CCDC30: variants seen among roughly 807,000 people sequenced by gnomAD.
CCDC30 encodes the protein coiled-coil domain-containing protein 30.
Under a neutral mutation model 100.2 loss-of-function variants are expected in CCDC30, and 70 were observed. That is an observed-to-expected ratio of 0.70 (90% CI 0.58 to 0.85). CCDC30 has a LOEUF of 0.85. Among genes scored for constraint, CCDC30 ranks in the 40% least tolerant of loss-of-function variants. The pLI is 0.00. For synonymous variants in CCDC30, 233 were observed against 269.5 expected, an observed-to-expected ratio of 0.86 and a Z score of 1.33; for missense variants, 652 against 771.2, an observed-to-expected ratio of 0.85 and a Z score of 1.83.
At chr1:42,459,574 C>T (rs1206014396), upstream of CCDC30, 4 of 1,584,490 alleles carry the variant, frequency 2.5e-6, no homozygotes, top group East Asian at 2.2e-5. Context: ...CCATTGTTTG[C>T]TTATTAAGCT....
At chr1:42,498,794 A>C (rs1569818197) in intron 5 of CCDC30, 24 bp from the exon 6 acceptor site, 2 of 1,132,756 alleles carry the variant, frequency 1.8e-6, no homozygotes, top group Non-Finnish European at 2.2e-6. Flanking sequence ...AGAAGTCTAC[A>C]AGGTGTTTAC....
chr1:42,497,203 T>G (rs1322335198), exon 5 of CCDC30: 1 of 1,232,660 alleles, frequency 8.1e-7, no homozygotes, highest in Admixed American at 4.2e-5. Flanking sequence ...AAAAAGGTGC[T>G]TGGTGAAATG....
intron 6 of CCDC30, 178 bp downstream of exon 7, chr1:42,536,779 A>C: frequency 1.9e-6 from 1 of 534,974 alleles, no homozygotes; most frequent in Non-Finnish European, 3.3e-6. Flanking sequence ...GGAGGAGGGG[A>C]AGTCCAAGAT....
At chr1:42,502,676 T>C (rs1373438435) in intron 6 of CCDC30, among the ~76,000 whole-genome samples, 1 of 152,066 alleles carries the variant, frequency 6.6e-6, no homozygotes, top group African/African-American at 2.4e-5. Flanking sequence ...TCCATTAGTA[T>C]CCATTTCTTA....
chr1:42,457,008 A>C, the CCDC30 span: 2 of 1,601,974 alleles, frequency 1.2e-6, no homozygotes, highest in African/African-American at 1.3e-5. Context: ...CTGGCAGTAG[A>C]GTTCACCACT....
At chr1:42,645,095 C>T (rs1172220511) in intron 14 of CCDC30, among the ~76,000 whole-genome samples, 1 of 152,102 alleles carries the variant, frequency 6.6e-6, no homozygotes, top group Non-Finnish European at 1.5e-5. Context: ...CCCTTTTTCT[C>T]CTCTATCTCA....
At chr1:42,555,751 G>A (rs764578922) in intron 6 of CCDC30, among the ~76,000 whole-genome samples, 32 of 152,082 alleles carry the variant, frequency 2.1e-4, no homozygotes, top group Non-Finnish European at 4.3e-4. Context: ...CAGTGGCACA[G>A]TCTTGACTCA....
chr1:42,487,110 C>CAAAAAAAAAAAAAAAAAAAAAAA, intron 3 of CCDC30, among the ~76,000 whole-genome samples: 1 of 91,108 alleles, frequency 1.1e-5, no homozygotes, highest in Non-Finnish European at 2.2e-5. Flanking sequence ...TGCCCTGTCT[C>CAAAAAAAAAAAAAAAAAAAAAAA]AAAAAAAAAA....
chr1:42,485,725 A>C (rs1644038606), intron 3 of CCDC30, among the ~76,000 whole-genome samples: 1 of 152,204 alleles, frequency 6.6e-6, no homozygotes, highest in African/African-American at 2.4e-5. Context: ...AAGCACATGA[A>C]AAGATGCTCA....
chr1:42,492,764 A>G (rs946584199), intron 4 of CCDC30, among the ~76,000 whole-genome samples: 4 of 152,084 alleles, frequency 2.6e-5, no homozygotes, highest in Admixed American at 6.6e-5. Context: ...TCTCTGCCTC[A>G]GCCTCCCGAG....
At chr1:42,482,250 G>C (rs11210653) in intron 2 of CCDC30, among the ~76,000 whole-genome samples, 57,999 of 150,432 alleles carry the variant, frequency 0.39, 11,634 homozygotes, top group East Asian at 0.59. Context: ...CATTACATTA[G>C]AAAATCTGTA....
At chr1:42,571,353 T>A (rs1645728567) in intron 7 of CCDC30, 1 of 152,226 alleles carries the variant, frequency 6.6e-6, no homozygotes, top group Admixed American at 6.5e-5. Flanking sequence ...ATAGTAAGAT[T>A]GTTCTTGAAA....
chr1:42,623,429 A>T (rs1184373319), intron 11 of CCDC30, among the ~76,000 whole-genome samples: 1 of 152,102 alleles, frequency 6.6e-6, no homozygotes, highest in African/African-American at 2.4e-5. Flanking sequence ...AGAGATAGGG[A>T]TCTAGTTTTA....
intron 6 of CCDC30, among the ~76,000 whole-genome samples, chr1:42,550,068 T>G (rs1012604558): frequency 1.3e-5 from 2 of 152,074 alleles, no homozygotes; most frequent in African/African-American, 4.8e-5. Context: ...TCTTCCCCAG[T>G]CCAATCTGTT....
chr1:42,497,083 T>C lies in CCDC30; in HGVS notation c.242-15T>C. The C allele has an allele frequency of 8.3e-7, 1 of 1,208,768 alleles. No individual in the cohort carries two copies. The highest frequency in any genetic ancestry group is 1.0e-6 in the Non-Finnish European group (1 of 964,674). 74.9% of individuals were successfully genotyped at this position (1,208,768 alleles called of 1,614,324 possible). ...TTTGATCCAGTTGAGTAAACTGTGT[T>C]CTTCTCTGTTTTAGATGCAGCTGAC... On this transcript the variant is annotated splice_polypyrimidine_tract_variant and intron_variant, in intron 4 of 16. Transcript: ENST00000668663.
At chr1:42,612,531 T>C (rs180670590) in intron 11 of CCDC30, among the ~76,000 whole-genome samples, 87 of 152,266 alleles carry the variant, frequency 5.7e-4, no homozygotes, top group Non-Finnish European at 1.0e-3. Context: ...TCAGCTGAGA[T>C]TTTATTAAAT....
chr1:42,475,669 A>T (rs949759775), intron 1 of CCDC30, among the ~76,000 whole-genome samples: 1 of 152,206 alleles, frequency 6.6e-6, no homozygotes, highest in African/African-American at 2.4e-5. Flanking sequence ...CCTGTCTTTT[A>T]AAAAAGTATG....
intron 6 of CCDC30, among the ~76,000 whole-genome samples, chr1:42,561,278 A>G (rs12028089): frequency 0.4 from 60,536 of 152,046 alleles, 12,698 homozygotes; most frequent in East Asian, 0.59. Context: ...TGGCTTCATC[A>G]CTGGGATGCA....
At chr1:42,503,432 G>C (rs1462477804) in intron 6 of CCDC30, among the ~76,000 whole-genome samples, 1 of 152,138 alleles carries the variant, frequency 6.6e-6, no homozygotes, top group East Asian at 1.9e-4. Flanking sequence ...GATTTATGTA[G>C]GGCCTACAGA....
Sources: allele counts gnomAD v4.1 joint callset (sites outside exome capture counted in the v4.1 genomes callset), GRCh38; gene constraint gnomAD v4.1.1; transcripts MANE v1.5; gene names NCBI Gene and HGNC (gene_info 2026-07-23, HGNC 2026-07-21).